SLC8A1: variants seen among roughly 807,000 people sequenced by gnomAD.
The protein encoded by SLC8A1 is sodium/calcium exchanger 1.
Under a neutral mutation model 68.3 loss-of-function variants are expected in SLC8A1, and 18 were observed. The ratio of observed to expected loss-of-function variants is 0.26; its 90% CI spans 0.18 to 0.39. The LOEUF (loss-of-function observed/expected upper bound fraction) is 0.39. SLC8A1 is among the 10% of genes least tolerant of loss of function. SLC8A1 has a pLI of 1.00. For missense variants in SLC8A1, 985 were observed against 1,156.7 expected (o/e 0.85, Z 2.15); for synonymous variants, 475 against 415.5 (o/e 1.14, Z -1.74).
chr2:40,314,198 A>C (rs1019497066), intron 2 of SLC8A1, among the ~76,000 whole-genome samples: 1 of 152,080 alleles, frequency 6.6e-6, no homozygotes, highest in Admixed American at 6.6e-5. Flanking sequence ...AATAGATCAA[A>C]ATTCATTTTT....
intron 2 of SLC8A1, among the ~76,000 whole-genome samples, chr2:40,378,368 A>G (rs1482201798): frequency 6.6e-6 from 1 of 152,128 alleles, no homozygotes; most frequent in Non-Finnish European, 1.5e-5. Flanking sequence ...GGATGAAGAA[A>G]TGCAAAGGTT....
chr2:40,450,083 T>G (rs73926217), intron 1 of SLC8A1, among the ~76,000 whole-genome samples: 2,538 of 152,236 alleles, frequency 0.017, 68 homozygotes, highest in African/African-American at 0.056. Context: ...CTCCCCCACC[T>G]TCTCACTCAC....
intron 2 of SLC8A1, among the ~76,000 whole-genome samples, chr2:40,325,291 G>A (rs2075681767): frequency 6.6e-6 from 1 of 152,152 alleles, no homozygotes. Flanking sequence ...ACCTTTTGAG[G>A]TAGGGCAGGA....
At chr2:40,395,194 A>G (rs2149619352) in intron 2 of SLC8A1, among the ~76,000 whole-genome samples, 1 of 152,312 alleles carries the variant, frequency 6.6e-6, no homozygotes, top group Non-Finnish European at 1.5e-5. Context: ...TGAGAAGTCT[A>G]AAAGAAGTAG....
At chr2:40,482,037 G>C (rs1669100584) in intron 1 of SLC8A1, among the ~76,000 whole-genome samples, 1 of 152,172 alleles carries the variant, frequency 6.6e-6, no homozygotes, top group African/African-American at 2.4e-5. Context: ...TCTCTTTCTG[G>C]AGGTAAAGGT....
chr2:40,149,627 G>T (rs1168166227), intron 6 of SLC8A1, among the ~76,000 whole-genome samples: 3 of 152,188 alleles, frequency 2.0e-5, no homozygotes, highest in Non-Finnish European at 2.9e-5. Flanking sequence ...ATGGAAAGAG[G>T]ATTGACTTGG....
chr2:40,330,150 C>G (rs549697861), intron 2 of SLC8A1, among the ~76,000 whole-genome samples: 1 of 152,246 alleles, frequency 6.6e-6, no homozygotes, highest in East Asian at 1.9e-4. Context: ...TTTATTAGGA[C>G]TAATGGTTAT....
upstream of SLC8A1, chr2:40,453,057 A>T (rs1301084875): frequency 6.6e-6 from 1 of 152,126 alleles, no homozygotes; most frequent in Non-Finnish European, 1.5e-5. Flanking sequence ...TCCTCTCTTG[A>T]CAGCTCATTC....
intron 2 of SLC8A1, among the ~76,000 whole-genome samples, chr2:40,329,712 C>T (rs910519603): frequency 1.2e-4 from 18 of 152,150 alleles, no homozygotes; most frequent in African/African-American, 4.1e-4. Flanking sequence ...GGCTCTTGCT[C>T]CCATCCCAGG....
intron 2 of SLC8A1, among the ~76,000 whole-genome samples, chr2:40,294,143 T>C (rs1393097144): frequency 2.0e-5 from 3 of 152,142 alleles, no homozygotes; most frequent in South Asian, 4.1e-4. Context: ...TATTCTTTGA[T>C]GCAGCAATGC....
chr2:40,340,453 C>T (rs1344946883), intron 2 of SLC8A1, among the ~76,000 whole-genome samples: 1 of 152,080 alleles, frequency 6.6e-6, no homozygotes, highest in African/African-American at 2.4e-5. Flanking sequence ...CCCAGCTACT[C>T]AGGAGGCTGA....
chr2:40,376,169 A>G (rs964552982), intron 2 of SLC8A1, among the ~76,000 whole-genome samples: 4 of 152,072 alleles, frequency 2.6e-5, no homozygotes, highest in African/African-American at 7.2e-5. Context: ...TGATTGCAAT[A>G]TAAGTTTGTG....
intron 2 of SLC8A1, among the ~76,000 whole-genome samples, chr2:40,210,508 A>T (rs2056384154): frequency 6.6e-6 from 1 of 152,194 alleles, no homozygotes; most frequent in Non-Finnish European, 1.5e-5. Context: ...AATTGAAGGG[A>T]TAATTAAGAA....
chr2:40,466,294 C>G (rs1290493772), intron 1 of SLC8A1, among the ~76,000 whole-genome samples: 1 of 152,036 alleles, frequency 6.6e-6, no homozygotes, highest in East Asian at 1.9e-4. Flanking sequence ...AGGACTAAGT[C>G]AATTTCAAAA....
chr2:40,396,678 G>C, intron 2 of SLC8A1, among the ~76,000 whole-genome samples: 1 of 134,858 alleles, frequency 7.4e-6, no homozygotes, highest in East Asian at 2.5e-4. Flanking sequence ...AAGAAAAAAA[G>C]ATTACTAGTC....
rs1023407827 is a variant in SLC8A1, at chr2:40,475,619, TACATACATGTAC to T, written c.-25+36718_-25+36729del. Among the ~76,000 whole-genome samples, 10 of 152,202 alleles carry T rather than the reference TACATACATGTAC, an allele frequency of 6.6e-5. No individual in the cohort carries two copies. The South Asian group carries it at 8.3e-4, about 13-fold the overall frequency. ...TACATGACATATGTACATGTACATA[TACATACATGTAC>T]ACATACATGTACACATGCATACATG... On this transcript the variant is annotated intron_variant, in intron 1 of 7. Coordinates refer to the SLC8A1 transcript ENST00000402441.
chr2:40,471,919 AATGC>A (rs1296788396), intron 1 of SLC8A1, among the ~76,000 whole-genome samples: 11 of 152,198 alleles, frequency 7.2e-5, no homozygotes, highest in Admixed American at 3.3e-4. Flanking sequence ...ATCCAGCTAC[AATGC>A]ATCATCTAAT....
At position 40,353,500 on chromosome 2, in the gene SLC8A1, A is replaced by G. The variant is rs183814238; in HGVS notation, c.1808+74973T>C. On this transcript the variant is annotated intron_variant, in intron 2 of 7. Transcript: ENST00000406785. ...TTTCCACCTTAACCTCCCTCCTCTCATGCCTCATTACAACATCGCTAACAT... is the reference window on the plus strand; with the variant it reads ...TTTCCACCTTAACCTCCCTCCTCTCGTGCCTCATTACAACATCGCTAACAT... Among the ~76,000 whole-genome samples the G allele has an allele frequency of 6.7e-3, 1,021 of 152,058 alleles. 10 individuals are homozygous for G. Among genetic ancestry groups the G allele is most frequent in the African/African-American group, 9.2e-3 (381 of 41,480 alleles).
At chr2:40,378,369 T>G (rs1158617631) in intron 2 of SLC8A1, among the ~76,000 whole-genome samples, 1 of 151,986 alleles carries the variant, frequency 6.6e-6, no homozygotes, top group Non-Finnish European at 1.5e-5. Flanking sequence ...GATGAAGAAA[T>G]GCAAAGGTTA....
Sources: gnomAD v4.1 joint callset for allele counts (sites outside exome capture counted in the v4.1 genomes callset) on GRCh38, gnomAD v4.1.1 for gene constraint, MANE v1.5 for transcripts, NCBI Gene and HGNC (gene_info 2026-07-23, HGNC 2026-07-21) for gene names.